Variants in DOCK10 observed in about 807,000 individuals in gnomAD.
The protein encoded by DOCK10 is dedicator of cytokinesis protein 10.
A neutral mutation model predicts 280.1 loss-of-function variants in DOCK10; 145 were observed. That is an observed-to-expected ratio of 0.52 (90% CI 0.45 to 0.59). The LOEUF (loss-of-function observed/expected upper bound fraction) is 0.59. Ranked by LOEUF, DOCK10 falls within the 20% of genes least tolerant of loss-of-function variation. The pLI is 0.00. For synonymous variants in DOCK10, 915 were observed against 942.2 expected (o/e 0.97, Z 0.53); for missense variants, 2,368 against 2,651.7 (o/e 0.89, Z 2.35).
At chr2:224,783,841 G>A (rs1386404381) in intron 50 of DOCK10, among the ~76,000 whole-genome samples, 1 of 152,014 alleles carries the variant, frequency 6.6e-6, no homozygotes, top group African/African-American at 2.4e-5. Flanking sequence ...ATGTGGGAAG[G>A]AATTTAAAGA....
intron 3 of DOCK10, among the ~76,000 whole-genome samples, chr2:224,905,540 C>T (rs934145564): frequency 1.2e-4 from 18 of 151,944 alleles, no homozygotes; most frequent in Non-Finnish European, 2.2e-4. Flanking sequence ...TGAGCCACCG[C>T]GCCCGGCCTA....
chr2:224,884,569 G>A (rs574601610), intron 7 of DOCK10, among the ~76,000 whole-genome samples: 1 of 152,192 alleles, frequency 6.6e-6, no homozygotes, highest in Non-Finnish European at 1.5e-5. Context: ...TCCAAATGGG[G>A]TCTATGGAAT....
At chr2:224,850,313 A>C (rs575395004) in intron 18 of DOCK10, among the ~76,000 whole-genome samples, 24 of 152,306 alleles carry the variant, frequency 1.6e-4, no homozygotes, top group Admixed American at 6.5e-4. Context: ...GACAGTGTCA[A>C]GAGCCTATTC....
chr2:225,035,581 TATATATA>T (rs1690232643), intron 1 of DOCK10, among the ~76,000 whole-genome samples: 7 of 111,870 alleles, frequency 6.3e-5, no homozygotes, highest in Admixed American at 9.0e-5. Context: ...TATATATATA[TATATATA>T]ACACTGAATC....
rs76932284 is a variant in DOCK10, at chr2:224,905,761, G to A, written c.334-9384C>T. On this transcript the variant is annotated intron_variant, in intron 3 of 55. Coordinates refer to ENST00000258390, the MANE Select transcript of DOCK10 (RefSeq NM_014689.3). ...ATTGACCCTTCTTCCTTAATTCTGA[G>A]ATATCGGTATCTCCTTGTTCCCCGC... Among the ~76,000 whole-genome samples the A allele has an allele frequency of 1.8e-4, 28 of 152,168 alleles. No individual in the cohort carries two copies. The East Asian group carries it at 5.2e-3, about 28-fold the overall frequency.
intron 33 of DOCK10, 92 bp from the exon 34 acceptor site, chr2:224,806,329 G>A: frequency 6.4e-6 from 4 of 625,806 alleles, no homozygotes; most frequent in East Asian, 3.1e-5. Flanking sequence ...TTCCAATTAA[G>A]TGATATTTAA....
intron 1 of DOCK10, among the ~76,000 whole-genome samples, chr2:224,986,540 C>T (rs1330838488): frequency 1.3e-5 from 2 of 152,106 alleles, no homozygotes; most frequent in Non-Finnish European, 2.9e-5. Flanking sequence ...AATAAGGTTT[C>T]ATGAGGTCAT....
At chr2:224,971,266 G>A (rs902681287) in intron 1 of DOCK10, among the ~76,000 whole-genome samples, 2 of 152,130 alleles carry the variant, frequency 1.3e-5, no homozygotes, top group African/African-American at 4.8e-5. Context: ...AGTCAACAGA[G>A]ACACGGAGGG....
chr2:224,965,369 G>A (rs1704678334), intron 1 of DOCK10, among the ~76,000 whole-genome samples: 1 of 152,098 alleles, frequency 6.6e-6, no homozygotes, highest in East Asian at 1.9e-4. Flanking sequence ...GCATTCTTGG[G>A]CACCCTTTCA....
intron 1 of DOCK10, among the ~76,000 whole-genome samples, chr2:225,036,553 G>A (rs948902994): frequency 1.6e-4 from 24 of 152,272 alleles, no homozygotes; most frequent in African/African-American, 5.3e-4. Context: ...ATTATCTGGT[G>A]TGAGCCCTTG....
Position 224,852,408 on chromosome 2 carries a change from T to C in DOCK10, c.2111A>G (p.Asn704Ser), listed in dbSNP as rs758873567. The C allele has an allele frequency of 1.3e-6, 2 of 1,572,064 alleles. No homozygotes were observed. Among genetic ancestry groups the C allele is most frequent in the South Asian group, 2.3e-5 (2 of 85,370 alleles). ...GGGCTTGGCACTTTCTTCATCTGAA[T>C]TTTTGAATTCAATGCACACAGTTAT... ...RNITVCIEFK[N>S]SDEESAKPLK... The change falls in exon 18 of 56, where the codon AAT becomes AGT. Residue 704 changes from asparagine (N) to serine (S), a missense_variant. This residue lies in a region of DOCK10 where 1,209 missense variants were observed against 1,250.9 expected (regional missense o/e 0.97). Coordinates refer to ENST00000258390, the MANE Select transcript of DOCK10 (RefSeq NM_014689.3).
chr2:224,959,445 T>C (rs1403027841), intron 1 of DOCK10, among the ~76,000 whole-genome samples: 1 of 151,830 alleles, frequency 6.6e-6, no homozygotes, highest in East Asian at 1.9e-4. Context: ...TTCTTTTTTT[T>C]TTTTTTTTTA....
intron 53 of DOCK10, among the ~76,000 whole-genome samples, chr2:224,772,557 C>T (rs926522223): frequency 9.2e-5 from 14 of 152,182 alleles, no homozygotes; most frequent in South Asian, 2.1e-4. Flanking sequence ...CTTCCACTAA[C>T]CCTCCTCTCC....
chr2:224,853,325 T>G (rs1024104612), intron 16 of DOCK10, among the ~76,000 whole-genome samples: 2 of 152,256 alleles, frequency 1.3e-5, no homozygotes, highest in African/African-American at 4.8e-5. Context: ...TTAAAACTGA[T>G]GTCTCAGAAA....
chr2:224,965,418 T>C (rs1704682063), intron 1 of DOCK10, among the ~76,000 whole-genome samples: 1 of 152,224 alleles, frequency 6.6e-6, no homozygotes, highest in Non-Finnish European at 1.5e-5. Flanking sequence ...GCAGTTAACT[T>C]TTCTGCCTTT....
At chr2:224,848,037 C>G in intron 19 of DOCK10, among the ~76,000 whole-genome samples, 1 of 152,178 alleles carries the variant, frequency 6.6e-6, no homozygotes. Flanking sequence ...ATACAGAAGC[C>G]GAGGTCAGAG....
At chr2:225,035,558 A>AT (rs1559986247) in intron 1 of DOCK10, among the ~76,000 whole-genome samples, 4 of 40,740 alleles carry the variant, frequency 9.8e-5, no homozygotes, top group African/African-American at 1.7e-4. Flanking sequence ...ATATATATAT[A>AT]TATATATATA....
At chr2:224,949,791 C>T (rs1198096207) in intron 1 of DOCK10, among the ~76,000 whole-genome samples, 1 of 152,184 alleles carries the variant, frequency 6.6e-6, no homozygotes, top group Non-Finnish European at 1.5e-5. Context: ...TAGTCACTAC[C>T]TTATAGGTTT....
At chr2:224,835,161 A>G (rs1574908196) in intron 25 of DOCK10, among the ~76,000 whole-genome samples, 1 of 152,202 alleles carries the variant, frequency 6.6e-6, no homozygotes. Flanking sequence ...GCTCATCTCA[A>G]AGGAGAAAGA....
Sources: gnomAD v4.1 joint callset for allele counts (sites outside exome capture counted in the v4.1 genomes callset) on GRCh38, gnomAD v4.1.1 for gene constraint, gnomAD v4.1.1 regional missense constraint, MANE v1.5 for transcripts, NCBI Gene and HGNC (gene_info 2026-07-23, HGNC 2026-07-21) for gene names.